PALS1: variants seen among roughly 807,000 people sequenced by gnomAD.
The protein encoded by PALS1 is protein PALS1.
In PALS1, 31 loss-of-function variants were observed where a neutral mutation model predicts 78.9. That is an observed-to-expected ratio of 0.39 (90% CI 0.30 to 0.53). The LOEUF (loss-of-function observed/expected upper bound fraction) is 0.53, where lower values mean the gene tolerates loss of function less well. PALS1 is among the 20% of genes least tolerant of loss of function. PALS1 has a pLI of 0.67. For synonymous variants in PALS1, 276 were observed against 270.9 expected, an observed-to-expected ratio of 1.02 and a Z score of -0.18; for missense variants, 704 against 826.5, an observed-to-expected ratio of 0.85 and a Z score of 1.82.
intron 4 of PALS1, among the ~76,000 whole-genome samples, chr14:67,300,484 C>A (rs1054522978): frequency 9.2e-5 from 14 of 152,092 alleles, no homozygotes; most frequent in African/African-American, 2.9e-4. Context: ...CACGCCACCA[C>A]GCCTGGCTAA....
At chr14:67,326,332 G>A (rs2085358967) in intron 14 of PALS1, among the ~76,000 whole-genome samples, 1 of 132,188 alleles carries the variant, frequency 7.6e-6, no homozygotes, top group African/African-American at 2.8e-5. Context: ...CTGGAGTCAA[G>A]TGACCCTCCC....
chr14:67,247,859 A>G (rs1295525772), intron 1 of PALS1, among the ~76,000 whole-genome samples: 1 of 152,156 alleles, frequency 6.6e-6, no homozygotes, highest in Non-Finnish European at 1.5e-5. Context: ...GATTACAGGC[A>G]TGAGTCACAG....
chr14:67,293,914 C>T (rs1338461143), intron 4 of PALS1, among the ~76,000 whole-genome samples: 1 of 151,978 alleles, frequency 6.6e-6, no homozygotes, highest in African/African-American at 2.4e-5. Context: ...CAAGACAGAT[C>T]ACAATTGCTC....
Position 67,335,137 on chromosome 14 carries a change from G to C in PALS1, c.*2181G>C, listed in dbSNP as rs2085509627. 6.6e-6 allele frequency: 1 copy of C among 152,174 alleles called. No individual in the cohort carries two copies. The highest frequency in any genetic ancestry group is 2.1e-4 in the South Asian group (1 of 4,826). The allele number at this position is 152,174 out of a possible 1,614,324, so 9.4% of individuals were successfully genotyped here. ...AAGTCTGAGATGATAAATATTTCAA[G>C]GTCAGTGAAGTCTATCAATCATTCT... On this transcript the variant is annotated 3_prime_UTR_variant, in exon 15 of 15. Coordinates refer to ENST00000261681, the MANE Select transcript of PALS1 (RefSeq NM_022474.4).
intron 1 of PALS1, among the ~76,000 whole-genome samples, chr14:67,262,023 G>A (rs796429756): frequency 1.3e-5 from 2 of 152,114 alleles, no homozygotes; most frequent in Non-Finnish European, 2.9e-5. Flanking sequence ...CACTGTGGAT[G>A]CACATTAGGA....
rs1316624463 is a variant in PALS1 at position 67,321,150 on chromosome 14, A to C, written c.1631A>C (p.Lys544Thr). 1 of 1,614,216 alleles carries C rather than the reference A, an allele frequency of 6.2e-7. No homozygotes were observed. The highest frequency in any genetic ancestry group is 1.7e-5 in the Admixed American group (1 of 60,016). The change falls in exon 13 of 15, where the codon AAG becomes ACG. Residue 544 changes from lysine to threonine, a missense_variant. Coordinates refer to ENST00000261681, the MANE Select transcript of PALS1 (RefSeq NM_022474.4). ...QAFEADIAAGKFIEHGEFEKN... is the reference protein window; with the variant it reads ...QAFEADIAAGTFIEHGEFEKN... ...TTCGAGGCAGACATAGCAGCTGGAAAGTTCATTGAGCATGGTGAATTTGAG... is the reference window on the plus strand; with the variant it reads ...TTCGAGGCAGACATAGCAGCTGGAACGTTCATTGAGCATGGTGAATTTGAG...
At chr14:67,243,983 TTCTCCATATTCTAAG>T (rs1311318751) in intron 1 of PALS1, among the ~76,000 whole-genome samples, 8 of 152,232 alleles carry the variant, frequency 5.3e-5, no homozygotes, top group African/African-American at 4.8e-5. Context: ...TAAAATGCTG[TTCTCCATATTCTAAG>T]TCTCCATATT....
At chr14:67,246,708 T>A (rs1374360520) in intron 1 of PALS1, among the ~76,000 whole-genome samples, 2 of 144,198 alleles carry the variant, frequency 1.4e-5, no homozygotes, top group Admixed American at 1.5e-4. Context: ...TGGAGTGCAG[T>A]GGCACGATAT....
intron 1 of PALS1, among the ~76,000 whole-genome samples, chr14:67,245,783 G>A (rs1029235309): frequency 6.6e-6 from 1 of 152,094 alleles, no homozygotes; most frequent in Non-Finnish European, 1.5e-5. Flanking sequence ...TTTTGAGAAA[G>A]TCCAAATTAT....
intron 8 of PALS1, 131 bp from the exon 9 acceptor site, chr14:67,312,396 A>T: frequency 1.7e-6 from 1 of 577,954 alleles, no homozygotes; most frequent in Non-Finnish European, 2.7e-6. Context: ...TGGACAACAT[A>T]CTGAGATGCT....
In PALS1 at chr14:67,301,378, T is replaced by C; in HGVS notation, c.577-11T>C. On this transcript the variant is annotated splice_polypyrimidine_tract_variant and intron_variant, in intron 4 of 14. Coordinates refer to ENST00000261681, the MANE Select transcript of PALS1 (RefSeq NM_022474.4). Reference sequence around the variant, plus strand: ...AATCTAGGAAGAATAATCTTTATTTTTGTTTCTTAGGTACAAACTGTTTTG... The same window carrying C: ...AATCTAGGAAGAATAATCTTTATTTCTGTTTCTTAGGTACAAACTGTTTTG... The C allele has an allele frequency of 6.3e-7, 1 of 1,593,016 alleles. No individual in the cohort carries two copies. The highest frequency in any genetic ancestry group is 8.6e-7 in the Non-Finnish European group (1 of 1,165,242).
At chr14:67,262,646 A>G (rs1693572746) in intron 1 of PALS1, among the ~76,000 whole-genome samples, 2 of 152,234 alleles carry the variant, frequency 1.3e-5, no homozygotes, top group South Asian at 4.1e-4. Flanking sequence ...AGTATAGAGT[A>G]GATTTAGCTT....
At chr14:67,272,335 ATGGCCCCTTTATTATTTCTCCATCT>A (rs907021040) in intron 2 of PALS1, among the ~76,000 whole-genome samples, 6 of 152,068 alleles carry the variant, frequency 3.9e-5, no homozygotes, top group African/African-American at 1.4e-4. Context: ...TTTGGTTCAT[ATGGCCCCTTTATTATTTCTCCATCT>A]TGTCTTTAAG....
At chr14:67,274,529 G>C (rs943032182) in intron 2 of PALS1, among the ~76,000 whole-genome samples, 1 of 152,142 alleles carries the variant, frequency 6.6e-6, no homozygotes, top group African/African-American at 2.4e-5. Context: ...CTGTAACCTT[G>C]TAGTATAGTT....
chr14:67,275,127 A>T (rs2140634462), intron 2 of PALS1, among the ~76,000 whole-genome samples: 1 of 152,326 alleles, frequency 6.6e-6, no homozygotes, highest in Middle Eastern at 3.4e-3. Context: ...CTCCTGCCCG[A>T]TTGCCTTGGC....
intron 8 of PALS1, among the ~76,000 whole-genome samples, chr14:67,305,994 T>G (rs951217205): frequency 2.6e-5 from 4 of 151,814 alleles, no homozygotes; most frequent in Non-Finnish European, 5.9e-5. Context: ...TTCTTTTTAC[T>G]TGGAGTCTCA....
At chr14:67,261,751 G>A (rs1440980626) in intron 1 of PALS1, among the ~76,000 whole-genome samples, 1 of 147,916 alleles carries the variant, frequency 6.8e-6, no homozygotes, top group African/African-American at 2.6e-5. Flanking sequence ...GATTGCCTTC[G>A]CTGCTTGGTA....
intron 1 of PALS1, among the ~76,000 whole-genome samples, chr14:67,268,461 TACTCCATAGGC>T (rs1476234351): frequency 6.6e-6 from 1 of 152,180 alleles, no homozygotes; most frequent in Non-Finnish European, 1.5e-5. Flanking sequence ...AAAGAATGGC[TACTCCATAGGC>T]AGAACACCGA....
At chr14:67,323,901 T>C in intron 14 of PALS1, 89 bp downstream of exon 14, 3 of 682,496 alleles carry the variant, frequency 4.4e-6, no homozygotes, top group Non-Finnish European at 7.5e-6. Flanking sequence ...AAAGCTACAT[T>C]AGCTTGAGCT....
Sources: allele counts gnomAD v4.1 joint callset (sites outside exome capture counted in the v4.1 genomes callset), GRCh38; gene constraint gnomAD v4.1.1; transcripts MANE v1.5; gene names NCBI Gene and HGNC (gene_info 2026-07-23, HGNC 2026-07-21).